BDH2: variants seen among roughly 807,000 people sequenced by gnomAD.
BDH2 encodes dehydrogenase/reductase SDR family member 6.
A neutral mutation model predicts 33.2 loss-of-function variants in BDH2; 24 were observed. That is an observed-to-expected ratio of 0.72 (90% CI 0.52 to 1.02). BDH2 has a LOEUF of 1.02. Among genes scored for constraint, BDH2 ranks in the 50% least tolerant of loss-of-function variants. The pLI, the probability that BDH2 is intolerant of heterozygous loss-of-function variation, is 0.00. For missense variants in BDH2, 249 were observed against 301.6 expected, an observed-to-expected ratio of 0.83 and a Z score of 1.29; for synonymous variants, 81 against 101.6, an observed-to-expected ratio of 0.80 and a Z score of 1.22.
At chr4:103,093,950 A>G (rs944207125) in intron 3 of BDH2, among the ~76,000 whole-genome samples, 2 of 152,082 alleles carry the variant, frequency 1.3e-5, no homozygotes, top group Non-Finnish European at 1.5e-5. Flanking sequence ...ACATATTCCA[A>G]TTCAATTAAC....
At chr4:103,093,645 CATATA>C (rs1033364538) in intron 3 of BDH2, among the ~76,000 whole-genome samples, 4 of 144,710 alleles carry the variant, frequency 2.8e-5, no homozygotes, top group South Asian at 4.4e-4. Context: ...ATGAATAATA[CATATA>C]ATATATAGTA....
intron 1 of BDH2, among the ~76,000 whole-genome samples, chr4:103,098,225 T>C (rs909062917): frequency 1.3e-5 from 2 of 152,144 alleles, no homozygotes; most frequent in Non-Finnish European, 2.9e-5. Flanking sequence ...GATGGAGAGA[T>C]AGGTGGATTG....
intron 5 of BDH2, 88 bp from the exon 6 acceptor site, chr4:103,086,628 G>A: frequency 6.8e-7 from 1 of 1,478,906 alleles, no homozygotes; most frequent in Admixed American, 2.2e-5. Flanking sequence ...TTTTCTTAGG[G>A]TTTGCAGAAT....
intron 5 of BDH2, among the ~76,000 whole-genome samples, chr4:103,090,974 T>C (rs1748055977): frequency 6.6e-6 from 1 of 152,210 alleles, no homozygotes; most frequent in South Asian, 2.1e-4. Flanking sequence ...ATGTGGAAAG[T>C]GCTTAATAAA....
intron 5 of BDH2, among the ~76,000 whole-genome samples, chr4:103,088,290 T>C (rs1747896328): frequency 6.6e-6 from 1 of 152,212 alleles, no homozygotes; most frequent in Non-Finnish European, 1.5e-5. Flanking sequence ...AAAATACATA[T>C]AGAATACATA....
At chr4:103,095,063 G>T in intron 3 of BDH2, 140 bp downstream of exon 3, 1 of 584,928 alleles carries the variant, frequency 1.7e-6, no homozygotes. Flanking sequence ...ACAAAATATA[G>T]ATTTCATATC....
intron 6 of BDH2, chr4:103,086,120 C>T (rs1747768380): frequency 6.4e-6 from 7 of 1,095,682 alleles, no homozygotes; most frequent in Admixed American, 4.8e-5. Context: ...CTGCCTTGCT[C>T]CTAGTTTTGG....
intron 2 of BDH2, 143 bp downstream of exon 2, chr4:103,096,035 GTTTAT>G (rs1048560688): frequency 1.8e-6 from 1 of 560,096 alleles, no homozygotes; most frequent in African/African-American, 1.9e-5. Flanking sequence ...TTATTTATTT[GTTTAT>G]TTTTATAACT....
chr4:103,081,551 C>T (rs962237291), intron 9 of BDH2, among the ~76,000 whole-genome samples: 23 of 152,332 alleles, frequency 1.5e-4, no homozygotes, highest in African/African-American at 5.3e-4. Context: ...CTGCCTCGAC[C>T]TCCCAAAGTG....
rs1269536334 is a variant in BDH2, at chr4:103,099,782, C to A, written c.-21+1G>T. ...ATTTCAAAAGTATTAGGAAATCTTA[C>A]TTTAAGCAGCGAGCTGATGGCGTTC... On this transcript the variant is annotated splice_donor_variant, in intron 1 of 9. Transcript: ENST00000296424. LOFTEE classifies it low-confidence loss of function (5UTR_SPLICE). 6.6e-6 allele frequency: 1 copy of A among 152,226 alleles called. No homozygotes were observed. Among genetic ancestry groups the A allele is most frequent in the African/African-American group, 2.4e-5 (1 of 41,450 alleles). The allele number at this position is 152,226 out of a possible 1,614,324, so 9.4% of individuals were successfully genotyped here.
chr4:103,096,094 C>A, intron 2 of BDH2, 89 bp downstream of exon 2: 1 of 887,506 alleles, frequency 1.1e-6, no homozygotes, highest in Middle Eastern at 2.3e-4. Context: ...AAAAGCAGAG[C>A]AGAAGTAAAC....
At position 103,078,699 on chromosome 4, in the gene BDH2, T is replaced by A. The variant is rs926585559; in HGVS notation, c.*1003A>T. Among the ~76,000 whole-genome samples the A allele has an allele frequency of 3.9e-5, 6 of 152,168 alleles. No homozygotes were observed. Among genetic ancestry groups the A allele is most frequent in the African/African-American group, 1.4e-4 (6 of 41,424 alleles). ...ATGGTGTAAAATTTTAAAATTAGGA[T>A]CTACATACAGAACAATGCAGAATTA... is the stretch of plus-strand genomic sequence containing the variant. On this transcript the variant is annotated 3_prime_UTR_variant, in exon 10 of 10. Coordinates refer to ENST00000296424, the MANE Select transcript of BDH2 (RefSeq NM_020139.4).
Position 103,079,503 on chromosome 4 carries a change from C to T in BDH2, c.*199G>A. On this transcript the variant is annotated 3_prime_UTR_variant, in exon 10 of 10. Coordinates refer to ENST00000296424, the MANE Select transcript of BDH2 (RefSeq NM_020139.4). ...TGAGTTCAATATTTTTATTTCTTTA[C>T]AATGATTTCAGAAGAGATTACAAAG... The T allele has an allele frequency of 7.2e-6, 4 of 552,556 alleles. No individual in the cohort carries two copies. The highest frequency in any genetic ancestry group is 1.3e-5 in the Non-Finnish European group (4 of 312,378). The allele number at this position is 552,556 out of a possible 1,614,324, so 34.2% of individuals were successfully genotyped here. A position where few individuals can be genotyped will look rare whatever the true frequency, so the allele number is the denominator to read the frequency against.
chr4:103,095,140 G>A (rs761254947), intron 3 of BDH2, 63 bp downstream of exon 3: 86 of 1,331,594 alleles, frequency 6.5e-5, no homozygotes, highest in Non-Finnish European at 8.4e-5. Flanking sequence ...CAACATGTGA[G>A]CGCCATGCTT....
chr4:103,091,243 G>A lies in BDH2; in HGVS notation c.291C>T (p.Asp97=). ...CATTGAGATTCATCGAGAAGTCCCA[G>A]TCTTTCTCCTCACAATCCAGGACAG... ...HGTVLDCEEK[D]WDFSMNLNVR... The change falls in exon 5 of 10, where the codon GAC becomes GAT. Residue 97 remains aspartate, a synonymous_variant. Coordinates refer to ENST00000296424, the MANE Select transcript of BDH2 (RefSeq NM_020139.4). 1 of 1,613,526 alleles carries A rather than the reference G, an allele frequency of 6.2e-7. No homozygotes were observed. The highest frequency in any genetic ancestry group is 8.5e-7 in the Non-Finnish European group (1 of 1,179,690).
chr4:103,086,561 C>G, intron 5 of BDH2, 21 bp from the exon 6 acceptor site: 1 of 1,327,338 alleles, frequency 7.5e-7, no homozygotes, highest in Non-Finnish European at 1.0e-6. Flanking sequence ...AAAACAAATA[C>G]AAAAAAAAAA....
At chr4:103,093,627 AATAAT>A (rs1177290670) in intron 3 of BDH2, among the ~76,000 whole-genome samples, 2 of 147,794 alleles carry the variant, frequency 1.4e-5, no homozygotes, top group African/African-American at 2.5e-5. Context: ...TATAATATAT[AATAAT>A]ATATGAATAA....
intron 2 of BDH2, 93 bp downstream of exon 2, chr4:103,096,090 A>C (rs1748388691): frequency 2.0e-5 from 17 of 845,634 alleles, no homozygotes; most frequent in Non-Finnish European, 3.1e-5. Context: ...ATAAAAAAGC[A>C]GAGCAGAAGT....
intron 7 of BDH2, among the ~76,000 whole-genome samples, chr4:103,083,984 C>G (rs1480306117): frequency 6.6e-6 from 1 of 152,184 alleles, no homozygotes; most frequent in Non-Finnish European, 1.5e-5. Flanking sequence ...TTAATTAGAT[C>G]ACCCAGTTCA....
Sources: gnomAD v4.1 joint callset for allele counts (sites outside exome capture counted in the v4.1 genomes callset) on GRCh38, gnomAD v4.1.1 for gene constraint, MANE v1.5 for transcripts, NCBI Gene and HGNC (gene_info 2026-07-23, HGNC 2026-07-21) for gene names.